UGT1A4: variants seen among roughly 807,000 people sequenced by gnomAD.
UGT1A4 encodes the protein UDP-glucuronosyltransferase 1A4.
Under a neutral mutation model 41.1 loss-of-function variants are expected in UGT1A4, and 32 were observed. That is an observed-to-expected ratio of 0.78 (90% confidence interval 0.59 to 1.05). The LOEUF is 1.05. Ranked by LOEUF, UGT1A4 falls within the 50% of genes least tolerant of loss-of-function variation. The probability of loss-of-function intolerance (pLI) is 0.00; values close to 1 mark genes in which losing one functional copy is unlikely to be tolerated. For synonymous variants in UGT1A4, 283 were observed against 265.1 expected, an observed-to-expected ratio of 1.07 and a Z score of -0.66; for missense variants, 748 against 677.4, an observed-to-expected ratio of 1.10 and a Z score of -1.16.
chr2:233,738,894 A>C lies in UGT1A4; in HGVS notation c.867+19207A>C. ...TCCAGGGCATGTCAGAGACCTTTGC[A>C]GCAGACCCTCCCATCACAGGCCTGG... On this transcript the variant is annotated intron_variant, in intron 1 of 4. Transcript: ENST00000373409. 2 of 152,268 alleles carry C rather than the reference A, an allele frequency of 1.3e-5. 1 individual carries two copies. Among genetic ancestry groups the C allele is most frequent in the Non-Finnish European group, 2.9e-5 (2 of 68,064 alleles). 9.4% of individuals were successfully genotyped at this position (152,268 alleles called of 1,614,324 possible).
rs544842461 is a variant in UGT1A4, at chr2:233,718,785, G to C, written c.-36G>C. 6 of 1,613,086 alleles carry C rather than the reference G, an allele frequency of 3.7e-6. No individual in the cohort carries two copies. Among genetic ancestry groups the C allele is most frequent in the Admixed American group, 1.7e-5 (1 of 60,034 alleles). On this transcript the variant is annotated 5_prime_UTR_variant, in exon 1 of 5. Coordinates refer to ENST00000373409, the MANE Select transcript of UGT1A4 (RefSeq NM_007120.3). ...GAAACAAATGTAGCAGGCACAGCGT[G>C]GGGTGGACAGTCAGCTGTCGGTGGC...
chr2:233,771,951 C>T (rs1331596370), intron 4 of UGT1A4, among the ~76,000 whole-genome samples: 1 of 152,070 alleles, frequency 6.6e-6, no homozygotes, highest in African/African-American at 2.4e-5. Context: ...CTTGTTTCTA[C>T]AAAAAATTTA....
intron 1 of UGT1A4, chr2:233,738,996 C>T (rs1041933241): frequency 6.6e-6 from 1 of 152,238 alleles, no homozygotes; most frequent in African/African-American, 2.4e-5. Context: ...GACTTGGTGC[C>T]CTGTGTCCCA....
chr2:233,755,133 A>G, intron 1 of UGT1A4: 1 of 1,319,072 alleles, frequency 7.6e-7, no homozygotes, highest in Non-Finnish European at 1.0e-6. Context: ...CACCTGCTTG[A>G]ATCTTCTCAC....
chr2:233,732,311 T>A (rs1163118726), intron 1 of UGT1A4, among the ~76,000 whole-genome samples: 3 of 152,222 alleles, frequency 2.0e-5, no homozygotes, highest in Admixed American at 6.5e-5. Flanking sequence ...CCCATTTGTC[T>A]ATTTTGGCTT....
At chr2:233,728,994 A>G in intron 1 of UGT1A4, 1 of 1,552,012 alleles carries the variant, frequency 6.4e-7, no homozygotes, top group Non-Finnish European at 8.7e-7. Flanking sequence ...AATTAACTAG[A>G]GGAGGGCACT....
chr2:233,732,874 G>C lies in UGT1A4; in HGVS notation c.867+13187G>C, dbSNP rs1220552637. On this transcript the variant is annotated intron_variant, in intron 1 of 4. Transcript: ENST00000373409. Reference sequence around the variant, plus strand: ...AGTCATTGGTAGCTTGATGGGTTTGGCATTGAATCTATAAATTACCTTGGG... The same window carrying C: ...AGTCATTGGTAGCTTGATGGGTTTGCCATTGAATCTATAAATTACCTTGGG... 6.6e-5 allele frequency among the ~76,000 whole-genome samples: 10 copies of C among 151,784 alleles called. No individual in the cohort carries two copies. The East Asian group carries it at 1.9e-3, about 29-fold the overall frequency.
At chr2:233,766,541 T>C (rs1699176762) in intron 1 of UGT1A4, among the ~76,000 whole-genome samples, 1 of 152,156 alleles carries the variant, frequency 6.6e-6, no homozygotes, top group Non-Finnish European at 1.5e-5. Context: ...AAAACAAAAA[T>C]GCCTGTCCTC....
intron 1 of UGT1A4, among the ~76,000 whole-genome samples, chr2:233,758,985 G>GT (rs1383466743): frequency 1.3e-5 from 2 of 152,320 alleles, no homozygotes; most frequent in African/African-American, 4.8e-5. Flanking sequence ...TCTTGGGCCA[G>GT]TGGAATGAGT....
intron 1 of UGT1A4, among the ~76,000 whole-genome samples, chr2:233,736,234 T>C (rs1035352456): frequency 6.6e-5 from 10 of 152,188 alleles, no homozygotes; most frequent in African/African-American, 2.4e-4. Flanking sequence ...TCTCTAACCT[T>C]GTCTTCTCAC....
intron 1 of UGT1A4, among the ~76,000 whole-genome samples, chr2:233,752,746 AAAAC>A (rs200752387): frequency 3.8e-4 from 58 of 152,306 alleles, no homozygotes; most frequent in East Asian, 2.5e-3. Context: ...CCCTGTCTCT[AAAAC>A]AAACAAACAA....
Position 233,718,738 on chromosome 2 carries a change from T to C in UGT1A4, c.-83T>C. ...CATGCTGATTTGCTAGGTGGCTCAATGACAAGGTAATTAAGGCGAAGGAAA... is the reference window on the plus strand; with the variant it reads ...CATGCTGATTTGCTAGGTGGCTCAACGACAAGGTAATTAAGGCGAAGGAAA... On this transcript the variant is annotated 5_prime_UTR_variant, in exon 1 of 5. An upstream start codon of the reference 5' UTR is lost. Transcript: ENST00000373409. The C allele has an allele frequency of 6.2e-7, 1 of 1,611,852 alleles. No homozygotes were observed. The highest frequency in any genetic ancestry group is 8.5e-7 in the Non-Finnish European group (1 of 1,179,870).
chr2:233,722,001 G>C, intron 1 of UGT1A4: 1 of 262,504 alleles, frequency 3.8e-6, no homozygotes. Context: ...TGTCCTTTAA[G>C]TGAACAGGAA....
chr2:233,760,978 G>A, intron 1 of UGT1A4: 1 of 1,614,208 alleles, frequency 6.2e-7, no homozygotes, highest in Non-Finnish European at 8.5e-7. Flanking sequence ...TTCCCCGTAT[G>A]CAACCCTTGC....
chr2:233,729,788 C>G, intron 1 of UGT1A4: 1 of 1,613,954 alleles, frequency 6.2e-7, no homozygotes, highest in Non-Finnish European at 8.5e-7. Flanking sequence ...CTGGCCCTGT[C>G]CTACATTTGC....
At chr2:233,721,208 T>A (rs1235207261) in intron 1 of UGT1A4, among the ~76,000 whole-genome samples, 1 of 152,250 alleles carries the variant, frequency 6.6e-6, no homozygotes, top group Non-Finnish European at 1.5e-5. Context: ...ACTGGTTTTC[T>A]TTTCCCCTTA....
At chr2:233,728,554 T>C (rs2077726263) in intron 1 of UGT1A4, among the ~76,000 whole-genome samples, 1 of 152,200 alleles carries the variant, frequency 6.6e-6, no homozygotes, top group Non-Finnish European at 1.5e-5. Flanking sequence ...CTCTGATCCT[T>C]ACAAGAAATA....
chr2:233,768,725 G>T (rs933444797), intron 4 of UGT1A4, among the ~76,000 whole-genome samples: 1 of 151,378 alleles, frequency 6.6e-6, no homozygotes, highest in African/African-American at 2.4e-5. Context: ...TGGGATTACA[G>T]GTGTCCACCA....
chr2:233,759,150 A>G (rs1697070072), intron 1 of UGT1A4, among the ~76,000 whole-genome samples: 1 of 152,238 alleles, frequency 6.6e-6, no homozygotes. Flanking sequence ...GGTGAGTTCC[A>G]CAGAACACAA....
Sources: allele counts gnomAD v4.1 joint callset (sites outside exome capture counted in the v4.1 genomes callset), GRCh38; gene constraint gnomAD v4.1.1; transcripts MANE v1.5; gene names NCBI Gene and HGNC (gene_info 2026-07-23, HGNC 2026-07-21).